CFAP299: variants seen among roughly 807,000 people sequenced by gnomAD.
The protein encoded by CFAP299 is cilia and flagella associated protein 299.
Under a neutral mutation model 27.0 loss-of-function variants are expected in CFAP299, and 21 were observed. The ratio of observed to expected loss-of-function variants is 0.78; its 90% CI spans 0.55 to 1.12. CFAP299 has a LOEUF of 1.12. Ranked by LOEUF, CFAP299 falls within the 50% of genes most tolerant of loss-of-function variation. The pLI is 0.00. For synonymous variants in CFAP299, 104 were observed against 98.1 expected (o/e 1.06, Z -0.36); for missense variants, 310 against 276.6 (o/e 1.12, Z -0.86).
intron 2 of CFAP299, among the ~76,000 whole-genome samples, chr4:80,540,551 A>G (rs200829143): frequency 1.3e-5 from 2 of 152,306 alleles, no homozygotes; most frequent in East Asian, 3.9e-4. Context: ...TTACAGGAAA[A>G]TGATTCTTTA....
chr4:80,657,969 A>G (rs990481146), intron 3 of CFAP299, among the ~76,000 whole-genome samples: 2 of 152,064 alleles, frequency 1.3e-5, no homozygotes, highest in Non-Finnish European at 2.9e-5. Context: ...ATGTATGCCT[A>G]GGTATTTTAT....
At chr4:80,823,936 T>C (rs1413344667) in intron 3 of CFAP299, among the ~76,000 whole-genome samples, 1 of 152,328 alleles carries the variant, frequency 6.6e-6, no homozygotes. Context: ...ATTTTTTTAA[T>C]GTTTCAAATT....
intron 4 of CFAP299, among the ~76,000 whole-genome samples, chr4:80,884,913 G>T (rs1030767257): frequency 6.6e-6 from 1 of 152,082 alleles, no homozygotes; most frequent in Non-Finnish European, 1.5e-5. Flanking sequence ...ATAAGCAATC[G>T]CAGTATGTGG....
intron 5 of CFAP299, among the ~76,000 whole-genome samples, chr4:80,948,085 AC>A (rs1361368381): frequency 6.6e-6 from 1 of 152,122 alleles, no homozygotes; most frequent in African/African-American, 2.4e-5. Context: ...TCCTTCATGT[AC>A]CCTCTTTGAA....
intron 2 of CFAP299, among the ~76,000 whole-genome samples, chr4:80,468,984 C>T (rs1578480020): frequency 1.3e-5 from 2 of 152,138 alleles, no homozygotes; most frequent in South Asian, 4.1e-4. Flanking sequence ...TTCTTAGTAA[C>T]TGGACCTACA....
chr4:80,730,242 C>CTCAA (rs1723427269), intron 3 of CFAP299, among the ~76,000 whole-genome samples: 1 of 132,004 alleles, frequency 7.6e-6, no homozygotes, highest in East Asian at 2.3e-4. Context: ...CTCTCTCTCT[C>CTCAA]TCTCTCTGTG....
At chr4:80,702,783 C>T (rs909481815) in intron 3 of CFAP299, among the ~76,000 whole-genome samples, 1 of 151,720 alleles carries the variant, frequency 6.6e-6, no homozygotes, top group African/African-American at 2.4e-5. Flanking sequence ...AGGTTTAAAC[C>T]TTGTATTATG....
At chr4:80,756,200 C>T (rs574759466) in intron 3 of CFAP299, among the ~76,000 whole-genome samples, 5 of 151,726 alleles carry the variant, frequency 3.3e-5, no homozygotes, top group Non-Finnish European at 7.4e-5. Flanking sequence ...TTTTCTGCAC[C>T]CTAAGTCTTT....
chr4:80,594,362 G>A (rs1033030522), intron 3 of CFAP299, among the ~76,000 whole-genome samples: 4 of 152,110 alleles, frequency 2.6e-5, no homozygotes, highest in Non-Finnish European at 5.9e-5. Flanking sequence ...CAGAATGGGG[G>A]AAACTGCCCC....
At chr4:80,540,504 G>A (rs1277746103) in intron 2 of CFAP299, among the ~76,000 whole-genome samples, 1 of 152,156 alleles carries the variant, frequency 6.6e-6, no homozygotes, top group Non-Finnish European at 1.5e-5. Context: ...AATGATAAAT[G>A]TAGAATTTTA....
intron 3 of CFAP299, among the ~76,000 whole-genome samples, chr4:80,639,103 G>T (rs769596477): frequency 1.1e-4 from 16 of 152,018 alleles, no homozygotes; most frequent in Non-Finnish European, 7.4e-5. Context: ...CCTCCCAAAG[G>T]CCTCATCTCC....
At chr4:80,790,964 A>C (rs1727528908) in intron 3 of CFAP299, among the ~76,000 whole-genome samples, 1 of 152,022 alleles carries the variant, frequency 6.6e-6, no homozygotes, top group Admixed American at 6.6e-5. Flanking sequence ...TACGTTAAAC[A>C]CTGGACTACA....
In CFAP299 at chr4:80,581,453, GATATATATATATAT is replaced by G. The variant is rs70944794; in HGVS notation, c.243-1617_243-1604del. Among the ~76,000 whole-genome samples, 31 of 103,018 alleles carry G rather than the reference GATATATATATATAT, an allele frequency of 3.0e-4. 1 individual carries two copies. Among genetic ancestry groups the G allele is most frequent in the East Asian group, 2.4e-3 (8 of 3,314 alleles). 67.6% of individuals were successfully genotyped at this position (103,018 alleles called of 152,430 possible). A position where few individuals can be genotyped will look rare whatever the true frequency, so the allele number is the denominator to read the frequency against. On this transcript the variant is annotated intron_variant, in intron 2 of 5. Transcript: ENST00000358105. ...TGATATATATATAGATATTAAGTGAGATATATATATATATATATATATATATATATATATATGAC... is the reference window on the plus strand; with the variant it reads ...TGATATATATATAGATATTAAGTGAGATATATATATATATATATATATGAC...
intron 3 of CFAP299, among the ~76,000 whole-genome samples, chr4:80,651,974 A>G (rs72863197): frequency 0.069 from 10,459 of 152,118 alleles, 524 homozygotes; most frequent in East Asian, 0.23. Flanking sequence ...TACTTTTACA[A>G]TCAGGAACCT....
intron 4 of CFAP299, among the ~76,000 whole-genome samples, chr4:80,906,605 G>C (rs1470342826): frequency 6.6e-6 from 1 of 152,172 alleles, no homozygotes; most frequent in Non-Finnish European, 1.5e-5. Context: ...AATCTAGGTG[G>C]ACATTCCCAA....
At chr4:80,900,561 T>G (rs1455723769) in intron 4 of CFAP299, among the ~76,000 whole-genome samples, 1 of 152,120 alleles carries the variant, frequency 6.6e-6, no homozygotes. Flanking sequence ...GACTGTATTT[T>G]AATCTGTTGT....
intron 3 of CFAP299, among the ~76,000 whole-genome samples, chr4:80,642,768 G>C (rs1577967313): frequency 6.6e-6 from 1 of 151,982 alleles, no homozygotes; most frequent in African/African-American, 2.4e-5. Flanking sequence ...GTCTCAAAAA[G>C]AATAAAAAAA....
rs1009206085 is a variant in CFAP299, at chr4:80,962,844, A to AT, written c.607-665dup. ...CATACTGTGCAACTCTTTTAGAATC[A>AT]TTTTTTTTCTCCTCTGAGCATCAGC... is the stretch of plus-strand genomic sequence containing the variant. On this transcript the variant is annotated intron_variant, in intron 5 of 5. Coordinates refer to ENST00000358105, the MANE Select transcript of CFAP299 (RefSeq NM_152770.3). Among the ~76,000 whole-genome samples, 7 of 151,798 alleles carry AT rather than the reference A, an allele frequency of 4.6e-5. No individual in the cohort carries two copies. The East Asian group carries it at 7.7e-4, about 17-fold the overall frequency.
intron 2 of CFAP299, among the ~76,000 whole-genome samples, chr4:80,498,590 A>T (rs77745095): frequency 0.075 from 11,474 of 152,122 alleles, 626 homozygotes; most frequent in East Asian, 0.25. Flanking sequence ...GTAAAAAAAA[A>T]AATCAGATGA....
Sources: gnomAD v4.1 joint callset for allele counts (sites outside exome capture counted in the v4.1 genomes callset) on GRCh38, gnomAD v4.1.1 for gene constraint, MANE v1.5 for transcripts, NCBI Gene and HGNC (gene_info 2026-07-23, HGNC 2026-07-21) for gene names.